SLC24A2: variants seen among roughly 807,000 people sequenced by gnomAD.
SLC24A2 encodes solute carrier family 24 member 2, also known as sodium/potassium/calcium exchanger 2.
Under a neutral mutation model 62.0 loss-of-function variants are expected in SLC24A2, and 36 were observed. That is an observed-to-expected ratio of 0.58 (90% CI 0.44 to 0.77). SLC24A2 has a LOEUF of 0.77. Ranked by LOEUF, SLC24A2 falls within the 30% of genes least tolerant of loss-of-function variation. The pLI is 0.00. For synonymous variants in SLC24A2, 358 were observed against 294.0 expected (o/e 1.22, Z -2.23); for missense variants, 846 against 817.9 (o/e 1.03, Z -0.42).
At chr9:19,854,873 T>C in the SLC24A2 span, among the ~76,000 whole-genome samples, 3,299 of 152,304 alleles carry the variant, frequency 0.022, 110 homozygotes, top group African/African-American at 0.075. Context: ...ATGATCTGTC[T>C]AATATTGACA....
intron 5 of SLC24A2, among the ~76,000 whole-genome samples, chr9:19,581,604 C>T (rs1887486): frequency 0.19 from 28,356 of 152,130 alleles, 3,017 homozygotes; most frequent in East Asian, 0.3. Context: ...GGGTTGCTAT[C>T]ATTATGGAAG....
intron 6 of SLC24A2, among the ~76,000 whole-genome samples, chr9:19,573,781 C>T (rs12683554): frequency 0.036 from 5,406 of 152,138 alleles, 362 homozygotes; most frequent in East Asian, 0.32. Flanking sequence ...ACCTTGGGTG[C>T]CCTATCAGCT....
At chr9:20,266,116 C>T in the SLC24A2 span, among the ~76,000 whole-genome samples, 6 of 152,212 alleles carry the variant, frequency 3.9e-5, no homozygotes, top group Non-Finnish European at 5.9e-5. Context: ...CCTGTGATCT[C>T]GCCCTGCCTC....
chr9:20,226,162 T>C, the SLC24A2 span, among the ~76,000 whole-genome samples: 4 of 152,126 alleles, frequency 2.6e-5, no homozygotes, highest in East Asian at 7.7e-4. Flanking sequence ...TTTATGAATA[T>C]GCAAGGAAAT....
At chr9:19,888,431 A>G in the SLC24A2 span, among the ~76,000 whole-genome samples, 1 of 151,900 alleles carries the variant, frequency 6.6e-6, no homozygotes, top group East Asian at 1.9e-4. Flanking sequence ...CAAGCAACCC[A>G]TTTTTTTCTC....
At chr9:20,185,397 G>A in the SLC24A2 span, among the ~76,000 whole-genome samples, 3 of 151,812 alleles carry the variant, frequency 2.0e-5, no homozygotes, top group African/African-American at 4.8e-5. Flanking sequence ...CAGGCATCGC[G>A]GCTCACGCCT....
chr9:20,077,664 C>A, the SLC24A2 span, among the ~76,000 whole-genome samples: 1 of 152,208 alleles, frequency 6.6e-6, no homozygotes, highest in East Asian at 1.9e-4. Context: ...AGAATTAATA[C>A]CAAGGAGTTA....
chr9:19,698,331 A>T (rs761849348), intron 2 of SLC24A2, among the ~76,000 whole-genome samples: 105 of 152,198 alleles, frequency 6.9e-4, no homozygotes, highest in Admixed American at 2.3e-3. Flanking sequence ...ATGAAACATA[A>T]ATAAACTTGA....
chr9:19,521,771 A>G (rs560334908), intron 9 of SLC24A2, among the ~76,000 whole-genome samples: 1 of 152,308 alleles, frequency 6.6e-6, no homozygotes, highest in Admixed American at 6.5e-5. Context: ...CTTACCAGGT[A>G]CTTGTGAGGA....
the SLC24A2 span, among the ~76,000 whole-genome samples, chr9:20,259,669 A>T: frequency 1.3e-5 from 2 of 152,142 alleles, no homozygotes; most frequent in Non-Finnish European, 1.5e-5. Context: ...AGTCATCTCA[A>T]GTCTTAATCA....
At chr9:19,711,117 G>T (rs561887911) in intron 2 of SLC24A2, among the ~76,000 whole-genome samples, 2 of 152,286 alleles carry the variant, frequency 1.3e-5, no homozygotes, top group South Asian at 2.1e-4. Flanking sequence ...ATTCTTGAGG[G>T]TCACTGCATT....
chr9:19,920,837 A>C, the SLC24A2 span, among the ~76,000 whole-genome samples: 1 of 152,198 alleles, frequency 6.6e-6, no homozygotes, highest in Non-Finnish European at 1.5e-5. Context: ...TGTGAGAGAC[A>C]GAAGACTGAG....
At chr9:19,824,270 TC>T in the SLC24A2 span, among the ~76,000 whole-genome samples, 3 of 152,008 alleles carry the variant, frequency 2.0e-5, no homozygotes, top group Non-Finnish European at 2.9e-5. Flanking sequence ...TTGCAATCTA[TC>T]CATCTGACAA....
chr9:19,892,278 C>T, the SLC24A2 span, among the ~76,000 whole-genome samples: 1 of 152,178 alleles, frequency 6.6e-6, no homozygotes, highest in South Asian at 2.1e-4. Context: ...CTGTCCCCTG[C>T]TCTCATCCCA....
the SLC24A2 span, among the ~76,000 whole-genome samples, chr9:20,216,410 A>T: frequency 1.3e-5 from 2 of 152,228 alleles, no homozygotes; most frequent in Non-Finnish European, 2.9e-5. Flanking sequence ...GGGAGCTAGG[A>T]AATAGGCATA....
At chr9:20,030,203 G>C in the SLC24A2 span, among the ~76,000 whole-genome samples, 1 of 152,212 alleles carries the variant, frequency 6.6e-6, no homozygotes, top group Non-Finnish European at 1.5e-5. Context: ...CTTGGCAATG[G>C]AGCAGAGGCC....
At chr9:19,704,430 A>T (rs1820448614) in intron 2 of SLC24A2, among the ~76,000 whole-genome samples, 1 of 152,216 alleles carries the variant, frequency 6.6e-6, no homozygotes, top group African/African-American at 2.4e-5. Flanking sequence ...AGACAGACAG[A>T]TGGGAAGAAT....
At position 19,599,865 on chromosome 9, in the gene SLC24A2, G is replaced by A. The variant is rs761663783; in HGVS notation, c.1079-2586C>T. ...TGAGAGGACCCGGGAGGCGCTCACC[G>A]GCATAGGAATGTGGCTTGCAACCAG... On this transcript the variant is annotated intron_variant, in intron 4 of 10. Coordinates refer to ENST00000341998, the MANE Select transcript of SLC24A2 (RefSeq NM_020344.4). The surrounding 1 kb of genome is among the most constrained non-coding windows in gnomAD (Gnocchi z 4.5). Among the ~76,000 whole-genome samples the A allele has an allele frequency of 5.3e-5, 8 of 152,120 alleles. No homozygotes were observed. Among genetic ancestry groups the A allele is most frequent in the Non-Finnish European group, 1.0e-4 (7 of 68,020 alleles).
At chr9:19,636,148 A>G (rs1355749073) in intron 2 of SLC24A2, among the ~76,000 whole-genome samples, 1 of 152,194 alleles carries the variant, frequency 6.6e-6, no homozygotes, top group African/African-American at 2.4e-5. Flanking sequence ...AAGTTGCTCT[A>G]GACAAAAGTA....
Sources: allele counts gnomAD v4.1 joint callset (sites outside exome capture counted in the v4.1 genomes callset), GRCh38; gene constraint gnomAD v4.1.1; non-coding constraint Gnocchi (gnomAD v3.1); transcripts MANE v1.5; gene names NCBI Gene and HGNC (gene_info 2026-07-23, HGNC 2026-07-21).